The following PLA2G4F variants were observed in gnomAD, a reference collection of about 807,000 sequenced individuals.
PLA2G4F encodes the protein phospholipase A2 group IVF.
PLA2G4F carries 105 observed loss-of-function variants against 103.1 expected under a neutral mutation model. The ratio of observed to expected loss-of-function variants is 1.02; its 90% CI spans 0.87 to 1.20. The LOEUF (loss-of-function observed/expected upper bound fraction) is 1.20. Among genes scored for constraint, PLA2G4F ranks in the 50% most tolerant of loss-of-function variants. The pLI is 0.00. For synonymous variants in PLA2G4F, 468 were observed against 441.1 expected (o/e 1.06, Z -0.76); for missense variants, 1,155 against 1,075.9 (o/e 1.07, Z -1.03).
chr15:42,147,038 C>A, intron 13 of PLA2G4F, 86 bp downstream of exon 13: 1 of 1,306,034 alleles, frequency 7.7e-7, no homozygotes, highest in South Asian at 1.3e-5. Context: ...TAAATCAGAT[C>A]TTAGCCTGAG....
Position 42,141,604 on chromosome 15 carries a change from A to G in PLA2G4F, c.*380T>C, listed in dbSNP as rs2280248. The stretch of plus-strand genomic sequence containing the variant: ...GTGTAAGGAGGACAGCTGGCTTCTC[A>G]GTGCCCTCAGCCCCTGTTCTGTGTG... On this transcript the variant is annotated 3_prime_UTR_variant, in exon 20 of 20. Coordinates refer to ENST00000397272, the MANE Select transcript of PLA2G4F (RefSeq NM_213600.4). The G allele has an allele frequency of 0.58, 274,067 of 469,162 alleles. 83,299 individuals carry two copies. Among genetic ancestry groups the G allele is most frequent in the East Asian group, 0.81 (12,103 of 14,982 alleles). 29.1% of individuals were successfully genotyped at this position (469,162 alleles called of 1,614,324 possible).
At chr15:42,153,558 C>T in intron 5 of PLA2G4F, 62 bp downstream of exon 5, 1 of 1,600,392 alleles carries the variant, frequency 6.2e-7, no homozygotes, top group Non-Finnish European at 8.6e-7. Context: ...TGACTGGCAC[C>T]TAGGAGCTGC....
At chr15:42,154,511 G>A (rs1049626510) in intron 2 of PLA2G4F, 53 bp from the exon 3 acceptor site, 2 of 1,498,974 alleles carry the variant, frequency 1.3e-6, no homozygotes, top group Non-Finnish European at 1.8e-6. Context: ...TGCTGAAAAG[G>A]TTTCCTTGGG....
rs886128749 is a variant in PLA2G4F, at chr15:42,139,417, T to G, written c.*2567A>C. On this transcript the variant is annotated 3_prime_UTR_variant, in exon 20 of 20. Transcript: ENST00000397272. The stretch of plus-strand genomic sequence containing the variant: ...GCTTCTCCCACCACTCTGACCAATC[T>G]CCTACACTTGTGGCCCCCTTTTTCT... 1.3e-5 allele frequency: 2 copies of G among 152,228 alleles called. No homozygotes were observed. The highest frequency in any genetic ancestry group is 2.4e-5 in the African/African-American group (1 of 41,412). 9.4% of individuals were successfully genotyped at this position (152,228 alleles called of 1,614,324 possible). A position where few individuals can be genotyped will look rare whatever the true frequency, so the allele number is the denominator to read the frequency against.
intron 13 of PLA2G4F, 86 bp from the exon 14 acceptor site, chr15:42,146,327 G>T: frequency 7.9e-7 from 1 of 1,263,804 alleles, no homozygotes; most frequent in Non-Finnish European, 1.1e-6. Context: ...CCTGCAAGGC[G>T]TGGTGTGCCC....
At chr15:42,151,993 C>A (rs1316209289) in intron 7 of PLA2G4F, among the ~76,000 whole-genome samples, 2 of 152,236 alleles carry the variant, frequency 1.3e-5, no homozygotes, top group Admixed American at 6.5e-5. Context: ...ACTCATCCTG[C>A]AGGCTCAGGC....
rs1380836577 is a variant in PLA2G4F at position 42,153,518 on chromosome 15, C to T, written c.491+102G>A. On this transcript the variant is annotated intron_variant, in intron 5 of 19. Transcript: ENST00000397272. ...TCAAGACCAGGCCATTGCCTCCAGG[C>T]CAGGCCTCCAAGGCCAGTGCAGGAC... 3 of 1,525,164 alleles carry T rather than the reference C, an allele frequency of 2.0e-6. No homozygotes were observed. The Admixed American group carries it at 5.2e-5, about 26-fold the overall frequency. 94.5% of individuals were successfully genotyped at this position (1,525,164 alleles called of 1,614,324 possible).
Position 42,150,498 on chromosome 15 carries a change from A to C in PLA2G4F, c.772-12T>G, listed in dbSNP as rs200627523. The C allele has an allele frequency of 6.2e-7, 1 of 1,609,356 alleles. No individual in the cohort carries two copies. Among genetic ancestry groups the C allele is most frequent in the African/African-American group, 1.3e-5 (1 of 74,908 alleles). ...GCGCTGGGGCCACTCTGTGGAAAAG[A>C]AAACACCCAAGAAGCTCTCCAGCAG... On this transcript the variant is annotated splice_polypyrimidine_tract_variant and intron_variant, in intron 8 of 19. Transcript: ENST00000397272.
At chr15:42,142,240 G>T (rs1374009462) in intron 19 of PLA2G4F, 36 bp from the exon 20 acceptor site, 14 of 1,566,522 alleles carry the variant, frequency 8.9e-6, no homozygotes, top group African/African-American at 1.4e-5. Flanking sequence ...GGCCAGGATG[G>T]AGCCCTCTGT....
At chr15:42,155,884 G>GC (rs2049010399) in intron 1 of PLA2G4F, among the ~76,000 whole-genome samples, 2 of 152,048 alleles carry the variant, frequency 1.3e-5, no homozygotes, top group South Asian at 4.1e-4. Context: ...AGACGCTCGC[G>GC]CCCCCACTCT....
chr15:42,149,814 G>C lies in PLA2G4F; in HGVS notation c.958C>G (p.Leu320Val), dbSNP rs1222678349. The C allele has an allele frequency of 6.2e-7, 1 of 1,614,098 alleles. No homozygotes were observed. The highest frequency in any genetic ancestry group is 8.5e-7 in the Non-Finnish European group (1 of 1,180,048). Residue 320 changes from leucine (L) to valine (V), a missense_variant, in exon 11 of 20, where the codon CTC (leucine) becomes GTC (valine). Leu to Val is a conservative substitution (Grantham distance 32, BLOSUM62 1). Transcript: ENST00000397272. ...GDLDLRLGFD[L>V]SDGEQEFLDR... ...AGAAACTCCTGCTCCCCGTCAGAGA[G>C]GTCAAAGCCAAGGCGTAGGTCTAGG... is the stretch of plus-strand genomic sequence containing the variant.
Position 42,141,403 on chromosome 15 carries a change from C to T in PLA2G4F, c.*581G>A, listed in dbSNP as rs890976764. On this transcript the variant is annotated 3_prime_UTR_variant, in exon 20 of 20. Coordinates refer to ENST00000397272, the MANE Select transcript of PLA2G4F (RefSeq NM_213600.4). ...GAGAAGGGTGATCTGGGAGGAGGCACGAGGAGACCAGAAGGCAGAAGGAGG... is the reference window on the plus strand; with the variant it reads ...GAGAAGGGTGATCTGGGAGGAGGCATGAGGAGACCAGAAGGCAGAAGGAGG... 17 of 455,640 alleles carry T rather than the reference C, an allele frequency of 3.7e-5. No individual in the cohort carries two copies. The highest frequency in any genetic ancestry group is 1.4e-4 in the East Asian group (2 of 14,350). The allele number at this position is 455,640 out of a possible 1,614,324, so 28.2% of individuals were successfully genotyped here.
rs768510041 is a variant in PLA2G4F, at chr15:42,141,784, CA to C, written c.*199del. ...GGAGCGATCTACTGCCCATCTTCTC[CA>C]AAAACACACAAGGAGAGCCCTGCCC... On this transcript the variant is annotated 3_prime_UTR_variant, in exon 20 of 20. Coordinates refer to ENST00000397272, the MANE Select transcript of PLA2G4F (RefSeq NM_213600.4). The C allele has an allele frequency of 8.9e-5, 56 of 627,896 alleles. No homozygotes were observed. The highest frequency in any genetic ancestry group is 3.2e-4 in the Admixed American group (12 of 38,082). 38.9% of individuals were successfully genotyped at this position (627,896 alleles called of 1,614,324 possible).
intron 2 of PLA2G4F, 62 bp from the exon 3 acceptor site, chr15:42,154,520 G>C: frequency 1.3e-6 from 2 of 1,482,752 alleles, no homozygotes; most frequent in East Asian, 2.4e-5. Context: ...GGTTTCCTTG[G>C]GGAGGCTAGG....
chr15:42,148,658 GC>G (rs1416374362), intron 11 of PLA2G4F: 1 of 985,278 alleles, frequency 1.0e-6, no homozygotes, highest in East Asian at 1.1e-4. Flanking sequence ...CCAGCAAGCA[GC>G]CTAGACCTGC....
intron 17 of PLA2G4F, 144 bp downstream of exon 17, chr15:42,144,306 A>G: frequency 7.3e-7 from 1 of 1,374,532 alleles, no homozygotes; most frequent in Non-Finnish European, 9.9e-7. Flanking sequence ...AGCTTCCAGC[A>G]GTATTTAGAG....
rs554324388 is a variant in PLA2G4F, at chr15:42,147,381, G to C, written c.1197-35C>G. ...GGAGGTGTGCCTGAGTCAGGGGCAGGAGAGCACAGCCACGGGAGAGAGGGG... is the reference window on the plus strand; with the variant it reads ...GGAGGTGTGCCTGAGTCAGGGGCAGCAGAGCACAGCCACGGGAGAGAGGGG... On this transcript the variant is annotated intron_variant, in intron 12 of 19. Coordinates refer to ENST00000397272, the MANE Select transcript of PLA2G4F (RefSeq NM_213600.4). 2.5e-6 allele frequency: 4 copies of C among 1,575,220 alleles called. No individual in the cohort carries two copies. In the African/African-American group the frequency reaches 5.4e-5, roughly 21 times the overall value.
chr15:42,144,349 C>T (rs1347291269), intron 17 of PLA2G4F, 101 bp downstream of exon 17: 1 of 1,502,518 alleles, frequency 6.7e-7, no homozygotes, highest in Non-Finnish European at 9.1e-7. Context: ...CAGCAGGAGA[C>T]CACACCTCAA....
In PLA2G4F at chr15:42,142,139, G is replaced by A. The variant is rs764578160; in HGVS notation, c.2395C>T (p.Pro799Ser). Residue 799 changes from proline (P) to serine (S), a missense_variant, in exon 20 of 20, where the codon CCC becomes TCC. This residue lies in a region of PLA2G4F where 782 missense variants were observed against 692.9 expected (regional missense o/e 1.13). Coordinates refer to ENST00000397272, the MANE Select transcript of PLA2G4F (RefSeq NM_213600.4). ...TAGGTGAAGTTCATCATGCCATAGG[G>A]GGTGTCTGGCCTGTTGATGACAAAG... ...GDFVINRPDT[P>S]YGMMNFTYEP... 8.1e-6 allele frequency: 13 copies of A among 1,614,200 alleles called. No homozygotes were observed. The highest frequency in any genetic ancestry group is 1.1e-5 in the Non-Finnish European group (13 of 1,180,026).
Sources: allele counts gnomAD v4.1 joint callset (sites outside exome capture counted in the v4.1 genomes callset), GRCh38; gene constraint gnomAD v4.1.1; regional missense constraint gnomAD v4.1.1; transcripts MANE v1.5; gene names NCBI Gene and HGNC (gene_info 2026-07-23, HGNC 2026-07-21).